The following POFUT1 variants were observed in gnomAD, a reference collection of about 807,000 sequenced individuals.
POFUT1 encodes the protein GDP-fucose protein O-fucosyltransferase 1.
A neutral mutation model predicts 42.4 loss-of-function variants in POFUT1; 16 were observed. The ratio of observed to expected loss-of-function variants is 0.38; its 90% confidence interval spans 0.26 to 0.57. POFUT1 has a LOEUF of 0.57. Ranked by LOEUF, POFUT1 falls within the 20% of genes least tolerant of loss-of-function variation. The pLI is 0.71. For synonymous variants in POFUT1, 206 were observed against 205.4 expected (o/e 1.00, Z -0.03); for missense variants, 470 against 504.6 (o/e 0.93, Z 0.66).
At chr20:32,215,774 T>G (rs1377678818) in intron 3 of POFUT1, among the ~76,000 whole-genome samples, 3 of 152,262 alleles carry the variant, frequency 2.0e-5, no homozygotes. Context: ...AATATTCATG[T>G]AGCACTTACT....
chr20:32,208,071 G>A lies in POFUT1; in HGVS notation c.124+6G>A. On this transcript the variant is annotated splice_donor_region_variant and intron_variant, in intron 1 of 6. Coordinates refer to ENST00000375749, the MANE Select transcript of POFUT1 (RefSeq NM_015352.2). ...GCTCTACTGCCCCTGCATGGGTAAG[G>A]CCTCCCAAGCCCTCTGCTCAGATGG... 1.3e-6 allele frequency: 2 copies of A among 1,546,432 alleles called. No homozygotes were observed. The highest frequency in any genetic ancestry group is 8.7e-7 in the Non-Finnish European group (1 of 1,150,120).
At chr20:32,216,390 C>T (rs1430184701) in intron 3 of POFUT1, among the ~76,000 whole-genome samples, 2 of 152,212 alleles carry the variant, frequency 1.3e-5, no homozygotes, top group African/African-American at 2.4e-5. Flanking sequence ...GACATGTGAA[C>T]AGGAAAGACT....
At chr20:32,209,464 G>A (rs916980426) in intron 1 of POFUT1, among the ~76,000 whole-genome samples, 2 of 152,212 alleles carry the variant, frequency 1.3e-5, no homozygotes, top group African/African-American at 4.8e-5. Context: ...CCAGCACCTA[G>A]CACAGAGTCT....
At chr20:32,233,890 G>C (rs1600395902) in intron 6 of POFUT1, among the ~76,000 whole-genome samples, 2 of 152,300 alleles carry the variant, frequency 1.3e-5, no homozygotes, top group Admixed American at 1.3e-4. Flanking sequence ...TTAGCCTTAA[G>C]AGTCTGGTCA....
chr20:32,233,857 T>C (rs1028989589), intron 6 of POFUT1, among the ~76,000 whole-genome samples: 1 of 152,170 alleles, frequency 6.6e-6, no homozygotes, highest in Non-Finnish European at 1.5e-5. Flanking sequence ...AGGCCAGGGC[T>C]TTAGGAAAAA....
intron 4 of POFUT1, among the ~76,000 whole-genome samples, chr20:32,218,641 C>G (rs570779451): frequency 6.6e-6 from 1 of 152,306 alleles, no homozygotes; most frequent in East Asian, 1.9e-4. Context: ...GGTTCTCCCC[C>G]ATTCACCTCC....
chr20:32,217,487 C>G, intron 4 of POFUT1: 3 of 991,226 alleles, frequency 3.0e-6, no homozygotes, highest in Non-Finnish European at 3.6e-6. Context: ...AGTCTCATGC[C>G]TGTAATCCCA....
At chr20:32,230,162 C>T (rs1178672497) in intron 5 of POFUT1, among the ~76,000 whole-genome samples, 7 of 151,480 alleles carry the variant, frequency 4.6e-5, no homozygotes, top group South Asian at 2.1e-4. Context: ...CCGAGGCAGG[C>T]GGATCACGAG....
Position 32,234,724 on chromosome 20 carries a change from G to T in POFUT1, c.*63G>T. The T allele has an allele frequency of 7.0e-7, 1 of 1,429,814 alleles. No individual in the cohort carries two copies. Among genetic ancestry groups the T allele is most frequent in the South Asian group, 1.4e-5 (1 of 73,388 alleles). 88.6% of individuals were successfully genotyped at this position (1,429,814 alleles called of 1,614,324 possible). On this transcript the variant is annotated 3_prime_UTR_variant, in exon 7 of 7. Coordinates refer to ENST00000375749, the MANE Select transcript of POFUT1 (RefSeq NM_015352.2). Reference sequence around the variant, plus strand: ...ACCAGAGTCTGAGCTGGTCCTTCCAGCCAGGCCTGGCAGCCAGAGGTGCTC... The same window carrying T: ...ACCAGAGTCTGAGCTGGTCCTTCCATCCAGGCCTGGCAGCCAGAGGTGCTC...
intron 4 of POFUT1, among the ~76,000 whole-genome samples, chr20:32,227,478 C>T (rs759007207): frequency 7.0e-4 from 106 of 152,316 alleles, no homozygotes; most frequent in Admixed American, 6.5e-5. Flanking sequence ...GCCGAGATCA[C>T]GCCACTGCCC....
chr20:32,216,557 C>G, intron 3 of POFUT1, 52 bp from the exon 4 acceptor site: 1 of 1,162,776 alleles, frequency 8.6e-7, no homozygotes, highest in African/African-American at 1.5e-5. Flanking sequence ...GCCCCATCCC[C>G]AAATGGCTTT....
At chr20:32,221,320 G>A (rs756566278) in intron 4 of POFUT1, among the ~76,000 whole-genome samples, 63 of 152,146 alleles carry the variant, frequency 4.1e-4, no homozygotes, top group Non-Finnish European at 8.1e-4. Flanking sequence ...CTTACTGTGC[G>A]ATTAGGCAGC....
chr20:32,228,512 C>T, intron 5 of POFUT1, 57 bp downstream of exon 5: 1 of 1,517,630 alleles, frequency 6.6e-7, no homozygotes, highest in Admixed American at 1.7e-5. Context: ...GAGCATGGCC[C>T]TGGCCTGTAG....
In POFUT1 at chr20:32,212,129, A is replaced by G. The variant is rs539748568; in HGVS notation, c.246+1937A>G. Among the ~76,000 whole-genome samples, 8 of 152,328 alleles carry G rather than the reference A, an allele frequency of 5.3e-5. No individual in the cohort carries two copies. In the South Asian group the frequency reaches 6.2e-4, roughly 12 times the overall value. ...AGTACCTAGCACTGTGTCAACATGC[A>G]ATAAATATTAGTTGCTATTATTACC... On this transcript the variant is annotated intron_variant, in intron 2 of 6. Coordinates refer to ENST00000375749, the MANE Select transcript of POFUT1 (RefSeq NM_015352.2).
At chr20:32,216,219 G>T (rs995033852) in intron 3 of POFUT1, among the ~76,000 whole-genome samples, 1 of 152,210 alleles carries the variant, frequency 6.6e-6, no homozygotes, top group Non-Finnish European at 1.5e-5. Flanking sequence ...GTGTAACCTT[G>T]GGTAAGTGTC....
intron 4 of POFUT1, chr20:32,223,544 C>T: frequency 1.0e-6 from 1 of 982,886 alleles, no homozygotes; most frequent in Non-Finnish European, 1.2e-6. Context: ...GATATTCCAG[C>T]CCCACTGGGA....
rs571544773 is a variant in POFUT1, at chr20:32,230,001, T to C, written c.736-818T>C. Among the ~76,000 whole-genome samples the C allele has an allele frequency of 2.6e-5, 4 of 152,208 alleles. No individual in the cohort carries two copies. In the South Asian group the frequency reaches 8.3e-4, roughly 32 times the overall value. On this transcript the variant is annotated intron_variant, in intron 5 of 6. Transcript: ENST00000375749. ...CCACGTTGCCCAGACTGGTCTCCAA[T>C]TCCTGAGCTCAAGCTATCAGCCTGC...
intron 5 of POFUT1, among the ~76,000 whole-genome samples, chr20:32,230,384 C>A (rs1466811610): frequency 8.4e-6 from 1 of 118,986 alleles, no homozygotes. Flanking sequence ...AAGACTCCCT[C>A]TCAAAAAAAA....
chr20:32,215,491 A>T lies in POFUT1; in HGVS notation c.429+40A>T, dbSNP rs200952513. On this transcript the variant is annotated intron_variant, in intron 3 of 6. Coordinates refer to ENST00000375749, the MANE Select transcript of POFUT1 (RefSeq NM_015352.2). ...TTCGGGGGCCCTTTCTTCCTGTTCC[A>T]TGTCCTCTAGGCCCCCAAGACTATG... 9.6e-6 allele frequency: 15 copies of T among 1,555,248 alleles called. No individual in the cohort carries two copies. The African/African-American group carries it at 1.9e-4, about 20-fold the overall frequency.
Sources: allele counts gnomAD v4.1 joint callset (sites outside exome capture counted in the v4.1 genomes callset), GRCh38; gene constraint gnomAD v4.1.1; transcripts MANE v1.5; gene names NCBI Gene and HGNC (gene_info 2026-07-23, HGNC 2026-07-21).